Variants in RDH14 observed in about 807,000 individuals in gnomAD.
RDH14 encodes alcohol dehydrogenase PAN2.
A neutral mutation model predicts 19.3 loss-of-function variants in RDH14; 17 were observed. The observed-to-expected ratio is 0.88, with a 90% CI of 0.60 to 1.32. RDH14 has a LOEUF of 1.32. RDH14 is among the 40% of genes most tolerant of loss of function. RDH14 has a pLI of 0.00. For missense variants in RDH14, 534 were observed against 449.2 expected (o/e 1.19, Z -1.71); for synonymous variants, 215 against 188.9 (o/e 1.14, Z -1.13).
chr2:18,558,655 C>T (rs1423998556), intron 1 of RDH14, among the ~76,000 whole-genome samples: 1 of 152,192 alleles, frequency 6.6e-6, no homozygotes, highest in South Asian at 2.1e-4. Flanking sequence ...CTAAAGTCAT[C>T]CTTCTGCTCA....
At chr2:18,560,109 C>T (rs1350093138) in intron 1 of RDH14, 71 bp downstream of exon 1, 11 of 1,468,338 alleles carry the variant, frequency 7.5e-6, no homozygotes, top group Non-Finnish European at 5.4e-6. Context: ...CGCGGCTCAG[C>T]CCCAGCCCGC....
In RDH14 at chr2:18,557,063, A is replaced by C. The variant is rs149123060; in HGVS notation, c.394-1255T>G. Reference sequence around the variant, plus strand: ...GGGACTCTAGGAGATCTGTACAGTCAACATTTTATACTCTGAACTTATGCT... The same window carrying C: ...GGGACTCTAGGAGATCTGTACAGTCCACATTTTATACTCTGAACTTATGCT... On this transcript the variant is annotated intron_variant, in intron 1 of 1. Coordinates refer to ENST00000381249, the MANE Select transcript of RDH14 (RefSeq NM_020905.4). Among the ~76,000 whole-genome samples the C allele has an allele frequency of 1.8e-4, 28 of 152,352 alleles. No homozygotes were observed. The East Asian group carries it at 5.2e-3, about 28-fold the overall frequency.
chr2:18,559,357 T>A (rs1664017342), intron 1 of RDH14, among the ~76,000 whole-genome samples: 1 of 152,212 alleles, frequency 6.6e-6, no homozygotes, highest in Non-Finnish European at 1.5e-5. Context: ...TAAAAGCAAG[T>A]GTTCTGGAGA....
chr2:18,557,564 G>A (rs914640871), intron 1 of RDH14, among the ~76,000 whole-genome samples: 9 of 151,914 alleles, frequency 5.9e-5, no homozygotes, highest in African/African-American at 2.2e-4. Context: ...TTAAAATTTT[G>A]TCATTTACTA....
Position 18,560,531 on chromosome 2 carries a change from G to C in RDH14, c.42C>G (p.Gly14=), listed in dbSNP as rs1206146104. The C allele has an allele frequency of 6.6e-7, 1 of 1,507,520 alleles. No homozygotes were observed. The highest frequency in any genetic ancestry group is 2.7e-5 in the East Asian group (1 of 37,224). 93.4% of individuals were successfully genotyped at this position (1,507,520 alleles called of 1,614,324 possible). The stretch of plus-strand genomic sequence containing the variant: ...GGCGGGCCGCCAGCCACAGCGCCCC[G>C]CCCAGAGCGGCCAGTACTGCCGCCG... ...ATAAAVLAAL[G]GALWLAARRF... The change falls in exon 1 of 2, where the codon GGC becomes GGG. Residue 14 remains glycine, a synonymous_variant. Transcript: ENST00000381249.
Position 18,560,255 on chromosome 2 carries a change from C to G in RDH14, c.318G>C (p.Val106=), listed in dbSNP as rs1322998990. 6.6e-7 allele frequency: 1 copy of G among 1,521,568 alleles called. No individual in the cohort carries two copies. Among genetic ancestry groups the G allele is most frequent in the South Asian group, 1.2e-5 (1 of 83,614 alleles). The allele number at this position is 1,521,568 out of a possible 1,614,324, so 94.3% of individuals were successfully genotyped here. Residue 106 remains valine (V), a synonymous_variant, in exon 1 of 2, where the codon GTG becomes GTC. Transcript: ENST00000381249. ...CCAGCTCCCGGACTATGAGCTCGCC[C>G]ACCCCGCTGACGCCAGGCTCTGGGC... is the stretch of plus-strand genomic sequence containing the variant. ...ECGPEPGVSG[V]GELIVRELDL... is the part of the protein sequence containing the mutation.
Position 18,555,746 on chromosome 2 carries a change from C to G in RDH14, c.456G>C (p.Lys152Asn). The change falls in exon 2 of 2, where the codon AAG (lysine) becomes AAC (asparagine). Residue 152 changes from lysine (K) to asparagine (N), a missense_variant. Lys to Asn is a moderately conservative substitution (Grantham distance 94, BLOSUM62 0). Transcript: ENST00000381249. ...ACTGCATCTCAAACCCATCTTCAGT[C>G]TTCATGTAAGGGCACTGGAAGATCC... is the stretch of plus-strand genomic sequence containing the variant. ...NAGIFQCPYM[K>N]TEDGFEMQFG... 2 of 1,614,002 alleles carry G rather than the reference C, an allele frequency of 1.2e-6. No individual in the cohort carries two copies. Among genetic ancestry groups the G allele is most frequent in the Non-Finnish European group, 1.7e-6 (2 of 1,179,878 alleles).
Position 18,560,650 on chromosome 2 carries a change from G to T in RDH14, c.-78C>A. ...CTTACCGGAACCCAAGAGACCACCT[G>T]TACGCGGAGAACGCTGGGGCGCGGC... is the stretch of plus-strand genomic sequence containing the variant. On this transcript the variant is annotated 5_prime_UTR_variant, in exon 1 of 2. Coordinates refer to ENST00000381249, the MANE Select transcript of RDH14 (RefSeq NM_020905.4). 7.4e-7 allele frequency: 1 copy of T among 1,358,540 alleles called. No homozygotes were observed. Among genetic ancestry groups the T allele is most frequent in the East Asian group, 3.1e-5 (1 of 32,142 alleles). The allele number at this position is 1,358,540 out of a possible 1,614,324, so 84.2% of individuals were successfully genotyped here.
chr2:18,554,983 CTATA>C lies in RDH14; in HGVS notation c.*204_*207del. ...TTGTACTTATTATTCATTATACTTACTATATATATTTAAAACATCTTTGCTGAAA... is the reference window on the plus strand; with the variant it reads ...TTGTACTTATTATTCATTATACTTACTATATTTAAAACATCTTTGCTGAAA... On this transcript the variant is annotated 3_prime_UTR_variant, in exon 2 of 2. Transcript: ENST00000381249. 1 of 580,862 alleles carries C rather than the reference CTATA, an allele frequency of 1.7e-6. No individual in the cohort carries two copies. Among genetic ancestry groups the C allele is most frequent in the South Asian group, 2.7e-5 (1 of 36,462 alleles). 36.0% of individuals were successfully genotyped at this position (580,862 alleles called of 1,614,324 possible).
chr2:18,560,203 C>G lies in RDH14; in HGVS notation c.370G>C (p.Ala124Pro). The part of the protein sequence containing the change: ...LDLASLRSVR[A>P]FCQEMLQEEP... ...ACCTGGAGCATTTCCTGGCAGAAGG[C>G]GCGCACCGAGCGCAGCGAGGCGAGG... is the stretch of plus-strand genomic sequence containing the variant. The change falls in exon 1 of 2, where the codon GCC becomes CCC. Residue 124 changes from alanine to proline, a missense_variant. Physicochemically the swap from Ala to Pro is conservative, Grantham distance 27. Transcript: ENST00000381249. 1 of 1,527,850 alleles carries G rather than the reference C, an allele frequency of 6.5e-7. No individual in the cohort carries two copies. The highest frequency in any genetic ancestry group is 1.2e-5 in the South Asian group (1 of 83,900). The allele number at this position is 1,527,850 out of a possible 1,614,324, so 94.6% of individuals were successfully genotyped here.
Position 18,560,546 on chromosome 2 carries a change from T to C in RDH14, c.27A>G (p.Val9=). The change falls in exon 1 of 2, where the codon GTA becomes GTG. Residue 9 remains valine (V), a synonymous_variant. Coordinates refer to ENST00000381249, the MANE Select transcript of RDH14 (RefSeq NM_020905.4). The part of the protein sequence containing the change: MAVATAAA[V]LAALGGALWL... ...ACAGCGCCCCGCCCAGAGCGGCCAGTACTGCCGCCGCAGTGGCCACTGCCA... is the reference window on the plus strand; with the variant it reads ...ACAGCGCCCCGCCCAGAGCGGCCAGCACTGCCGCCGCAGTGGCCACTGCCA... 1 of 1,500,214 alleles carries C rather than the reference T, an allele frequency of 6.7e-7. No individual in the cohort carries two copies. Among genetic ancestry groups the C allele is most frequent in the Non-Finnish European group, 8.8e-7 (1 of 1,133,116 alleles). 92.9% of individuals were successfully genotyped at this position (1,500,214 alleles called of 1,614,324 possible).
In RDH14 at chr2:18,560,582, C is replaced by T; in HGVS notation, c.-10G>A. 8 of 1,426,270 alleles carry T rather than the reference C, an allele frequency of 5.6e-6. No individual in the cohort carries two copies. The highest frequency in any genetic ancestry group is 7.3e-6 in the Non-Finnish European group (8 of 1,101,282). The allele number at this position is 1,426,270 out of a possible 1,614,324, so 88.4% of individuals were successfully genotyped here. ...CAGTGGCCACTGCCATCGTCAGGCC[C>T]GAGGGCCCACCGGCCCCTCCACGGG... On this transcript the variant is annotated 5_prime_UTR_variant, in exon 1 of 2. Coordinates refer to ENST00000381249, the MANE Select transcript of RDH14 (RefSeq NM_020905.4).
chr2:18,555,248 T>C lies in RDH14; in HGVS notation c.954A>G (p.Glu318=), dbSNP rs574844352. 3.1e-6 allele frequency: 5 copies of C among 1,614,042 alleles called. No homozygotes were observed. The highest frequency in any genetic ancestry group is 1.1e-5 in the South Asian group (1 of 91,092). The change falls in exon 2 of 2, where the codon GAA becomes GAG. Residue 318 remains glutamate, a synonymous_variant. Transcript: ENST00000381249. ...EEELLPKAMD[E]SVARKLWDIS... ...TATCCCAGAGTTTTCTTGCAACAGA[T>C]TCATCCATAGCTTTGGGCAACAGTT...
chr2:18,557,080 A>ACTT (rs1248153091), intron 1 of RDH14, among the ~76,000 whole-genome samples: 1 of 152,214 alleles, frequency 6.6e-6, no homozygotes, highest in African/African-American at 2.4e-5. Context: ...TATACTCTGA[A>ACTT]CTTATGCTTC....
chr2:18,557,076 C>T (rs1046075940), intron 1 of RDH14, among the ~76,000 whole-genome samples: 9 of 152,184 alleles, frequency 5.9e-5, no homozygotes, highest in African/African-American at 2.2e-4. Flanking sequence ...ATTTTATACT[C>T]TGAACTTATG....
In RDH14 at chr2:18,555,666, A is replaced by G. The variant is rs1663893374; in HGVS notation, c.536T>C (p.Leu179Pro). 3 of 1,614,118 alleles carry G rather than the reference A, an allele frequency of 1.9e-6. No individual in the cohort carries two copies. Among genetic ancestry groups the G allele is most frequent in the Non-Finnish European group, 1.7e-6 (2 of 1,179,972 alleles). The change falls in exon 2 of 2, where the codon CTC becomes CCC. Residue 179 changes from leucine (L) to proline (P), a missense_variant. Physicochemically the swap from Leu to Pro is moderately conservative, Grantham distance 98. Coordinates refer to ENST00000381249, the MANE Select transcript of RDH14 (RefSeq NM_020905.4). ...AATCCTGCTGGGAGCTGAACTTTTGAGGAGTCCAAGGAGAAGATTGGTGAG... is the reference window on the plus strand; with the variant it reads ...AATCCTGCTGGGAGCTGAACTTTTGGGGAGTCCAAGGAGAAGATTGGTGAG... ...FLLTNLLLGL[L>P]KSSAPSRIVV...
chr2:18,555,951 G>A, intron 1 of RDH14, 143 bp from the exon 2 acceptor site: 1 of 1,382,820 alleles, frequency 7.2e-7, no homozygotes, highest in Non-Finnish European at 9.6e-7. Context: ...CTATCGATCA[G>A]AGAACTACTT....
At chr2:18,557,298 C>T (rs1415670924) in intron 1 of RDH14, among the ~76,000 whole-genome samples, 1 of 152,164 alleles carries the variant, frequency 6.6e-6, no homozygotes, top group Non-Finnish European at 1.5e-5. Flanking sequence ...TTCACTGGCC[C>T]TTCTGCCAAC....
rs1664063230 is a variant in RDH14, at chr2:18,560,278, G to C, written c.295C>G (p.Pro99Ala). ...RELRQAAECG[P>A]EPGVSGVGEL... Reference sequence around the variant, plus strand: ...CCCACCCCGCTGACGCCAGGCTCTGGGCCGCACTCCGCGGCCTGGCGGAGC... The same window carrying C: ...CCCACCCCGCTGACGCCAGGCTCTGCGCCGCACTCCGCGGCCTGGCGGAGC... Residue 99 changes from proline (P) to alanine (A), a missense_variant, in exon 1 of 2, where the codon CCA becomes GCA. By Grantham distance (27) the Pro-to-Ala change is conservative. Transcript: ENST00000381249. 6.7e-7 allele frequency: 1 copy of C among 1,499,060 alleles called. No homozygotes were observed. Among genetic ancestry groups the C allele is most frequent in the Non-Finnish European group, 8.8e-7 (1 of 1,132,010 alleles). The allele number at this position is 1,499,060 out of a possible 1,614,324, so 92.9% of individuals were successfully genotyped here. A position where few individuals can be genotyped will look rare whatever the true frequency, so the allele number is the denominator to read the frequency against.
Sources: allele counts gnomAD v4.1 joint callset (sites outside exome capture counted in the v4.1 genomes callset), GRCh38; gene constraint gnomAD v4.1.1; transcripts MANE v1.5; gene names NCBI Gene and HGNC (gene_info 2026-07-23, HGNC 2026-07-21).